THSD7B: variants seen among roughly 807,000 people sequenced by gnomAD.
THSD7B encodes thrombospondin type 1 domain containing 7B, also known as thrombospondin type-1 domain-containing protein 7B.
THSD7B carries 138 observed loss-of-function variants against 213.6 expected under a neutral mutation model. The observed-to-expected ratio is 0.65, with a 90% CI of 0.56 to 0.74. The LOEUF (loss-of-function observed/expected upper bound fraction) is 0.74. Ranked by LOEUF, THSD7B falls within the 30% of genes least tolerant of loss-of-function variation. The probability of loss-of-function intolerance (pLI) is 0.00; values close to 1 mark genes in which losing one functional copy is unlikely to be tolerated. For missense variants in THSD7B, 1,931 were observed against 1,991.5 expected, an observed-to-expected ratio of 0.97 and a Z score of 0.58; for synonymous variants, 742 against 687.0, an observed-to-expected ratio of 1.08 and a Z score of -1.25.
intron 1 of THSD7B, among the ~76,000 whole-genome samples, chr2:136,817,036 G>C (rs1682485792): frequency 6.6e-6 from 1 of 152,134 alleles, no homozygotes; most frequent in Non-Finnish European, 1.5e-5. Flanking sequence ...TAGGAGTGAA[G>C]ATCTTCAACT....
chr2:136,996,103 T>C (rs894524086), intron 2 of THSD7B, among the ~76,000 whole-genome samples: 19 of 152,212 alleles, frequency 1.2e-4, no homozygotes, highest in African/African-American at 4.3e-4. Context: ...GTTATGCTGA[T>C]TTTTATGTCT....
At chr2:136,979,286 A>G (rs997730811) in intron 2 of THSD7B, among the ~76,000 whole-genome samples, 5 of 151,630 alleles carry the variant, frequency 3.3e-5, no homozygotes, top group South Asian at 2.1e-4. Flanking sequence ...TGATCTTCTC[A>G]TGGAATACCT....
At chr2:137,203,918 C>G (rs1046637951) in intron 7 of THSD7B, among the ~76,000 whole-genome samples, 3 of 152,096 alleles carry the variant, frequency 2.0e-5, no homozygotes, top group Admixed American at 6.6e-5. Flanking sequence ...GCACCCTCTC[C>G]TCACAACCTT....
intron 1 of THSD7B, among the ~76,000 whole-genome samples, chr2:136,829,033 C>T (rs1212306374): frequency 6.6e-6 from 1 of 152,208 alleles, no homozygotes; most frequent in Admixed American, 6.5e-5. Context: ...CTGCATGGAA[C>T]TGTCCCTTTC....
At chr2:137,219,932 G>A (rs1681330345) in intron 7 of THSD7B, among the ~76,000 whole-genome samples, 1 of 152,158 alleles carries the variant, frequency 6.6e-6, no homozygotes, top group Non-Finnish European at 1.5e-5. Context: ...TGTTACTTCA[G>A]TAAACATTCA....
chr2:137,072,918 G>A (rs945813620), intron 3 of THSD7B, among the ~76,000 whole-genome samples: 18 of 152,206 alleles, frequency 1.2e-4, no homozygotes, highest in South Asian at 4.1e-4. Context: ...ATTGATTTAC[G>A]TATGTTGAAC....
At chr2:137,293,291 A>C (rs1440503986) in intron 12 of THSD7B, among the ~76,000 whole-genome samples, 1 of 151,964 alleles carries the variant, frequency 6.6e-6, no homozygotes, top group Non-Finnish European at 1.5e-5. Context: ...GGTGCGTGCC[A>C]CCACTGCCAA....
intron 12 of THSD7B, among the ~76,000 whole-genome samples, chr2:137,339,483 G>A (rs1684709960): frequency 6.6e-6 from 1 of 152,026 alleles, no homozygotes; most frequent in South Asian, 2.1e-4. Context: ...GGGAGCTGGG[G>A]TTCGCTGAAT....
At chr2:137,004,056 A>T (rs1433342564) in intron 2 of THSD7B, among the ~76,000 whole-genome samples, 1 of 152,114 alleles carries the variant, frequency 6.6e-6, no homozygotes, top group East Asian at 1.9e-4. Flanking sequence ...TGCAATTCCA[A>T]TGTTGCTTTA....
intron 18 of THSD7B, 105 bp downstream of exon 18, chr2:137,616,421 T>C (rs919803507): frequency 9.8e-7 from 1 of 1,019,684 alleles, no homozygotes; most frequent in Admixed American, 2.1e-5. Flanking sequence ...GAGTAGAATG[T>C]GTGAGTGTAT....
Position 137,493,610 on chromosome 2 carries a change from G to A in THSD7B, c.3138+42587G>A, listed in dbSNP as rs565872013. Among the ~76,000 whole-genome samples, 21 of 152,290 alleles carry A rather than the reference G, an allele frequency of 1.4e-4. 2 individuals carry two copies. The South Asian group carries it at 4.1e-3, about 30-fold the overall frequency. On this transcript the variant is annotated intron_variant, in intron 15 of 27. Transcript: ENST00000409968. ...AATGCCTGGTGGTAAAGGTTAGCTC[G>A]TGAGTCCAATTTTACCTTTGGTTTA...
intron 12 of THSD7B, among the ~76,000 whole-genome samples, chr2:137,323,181 G>T (rs1684298102): frequency 6.6e-6 from 1 of 152,190 alleles, no homozygotes; most frequent in African/African-American, 2.4e-5. Context: ...AAATGACGGA[G>T]TTAAAAAGAT....
chr2:137,642,330 G>C (rs1682954561), intron 20 of THSD7B, 158 bp from the exon 21 acceptor site: 1 of 832,150 alleles, frequency 1.2e-6, no homozygotes, highest in East Asian at 2.6e-5. Context: ...GTGTCTCTGT[G>C]GAACTCTAAA....
chr2:137,254,921 A>G (rs902059800), intron 10 of THSD7B, among the ~76,000 whole-genome samples: 2 of 152,026 alleles, frequency 1.3e-5, no homozygotes, highest in Admixed American at 6.6e-5. Context: ...AGACAGAGAA[A>G]GAGTGAGGGG....
At chr2:137,416,498 T>C (rs1686802879) in intron 14 of THSD7B, among the ~76,000 whole-genome samples, 1 of 150,740 alleles carries the variant, frequency 6.6e-6, no homozygotes, top group African/African-American at 2.4e-5. Flanking sequence ...TGTAGATCTC[T>C]ATTTCTCTTA....
chr2:137,002,554 T>C (rs1686020495), intron 2 of THSD7B, among the ~76,000 whole-genome samples: 1 of 152,204 alleles, frequency 6.6e-6, no homozygotes, highest in Non-Finnish European at 1.5e-5. Flanking sequence ...AGTTATTTTA[T>C]GAAATTTTAG....
intron 5 of THSD7B, among the ~76,000 whole-genome samples, chr2:137,121,414 A>G (rs914592559): frequency 6.6e-6 from 1 of 152,198 alleles, no homozygotes; most frequent in Non-Finnish European, 1.5e-5. Flanking sequence ...GAAGAGGAAG[A>G]ACATGTGCAA....
At chr2:137,085,820 C>T (rs1234063959) in intron 3 of THSD7B, among the ~76,000 whole-genome samples, 1 of 151,952 alleles carries the variant, frequency 6.6e-6, no homozygotes, top group East Asian at 1.9e-4. Flanking sequence ...ATAAAAACCA[C>T]AAACTATGAG....
intron 2 of THSD7B, among the ~76,000 whole-genome samples, chr2:136,925,233 A>T (rs1177369539): frequency 1.3e-5 from 2 of 152,186 alleles, no homozygotes; most frequent in African/African-American, 2.4e-5. Context: ...GTGAGAGTGG[A>T]CATACTGGTC....
Sources: allele counts gnomAD v4.1 joint callset (sites outside exome capture counted in the v4.1 genomes callset), GRCh38; gene constraint gnomAD v4.1.1; transcripts MANE v1.5; gene names NCBI Gene and HGNC (gene_info 2026-07-23, HGNC 2026-07-21).